Variants in C2CD3 observed in about 807,000 individuals in gnomAD.
C2CD3 encodes the protein C2 domain containing 3 centriole elongation regulator.
In C2CD3, 148 loss-of-function variants were observed where a neutral mutation model predicts 234.0. That is an observed-to-expected ratio of 0.63 (90% confidence interval 0.55 to 0.72). The LOEUF is 0.72. C2CD3 is among the 30% of genes least tolerant of loss of function. The probability of loss-of-function intolerance (pLI) is 0.00; values close to 1 mark genes in which losing one functional copy is unlikely to be tolerated. For missense variants in C2CD3, 2,577 were observed against 2,811.5 expected, an observed-to-expected ratio of 0.92 and a Z score of 1.89; for synonymous variants, 1,000 against 1,035.4, an observed-to-expected ratio of 0.97 and a Z score of 0.66.
chr11:74,097,322 T>C (rs969330548), intron 16 of C2CD3, among the ~76,000 whole-genome samples: 1 of 152,206 alleles, frequency 6.6e-6, no homozygotes, highest in African/African-American at 2.4e-5. Flanking sequence ...ATGGTATGGA[T>C]ACTGAGATTT....
chr11:74,081,482 T>C (rs558895399), intron 22 of C2CD3, among the ~76,000 whole-genome samples: 1 of 152,342 alleles, frequency 6.6e-6, no homozygotes, highest in African/African-American at 2.4e-5. Context: ...AGTTTTCTCA[T>C]GTGTCAAATG....
intron 24 of C2CD3, among the ~76,000 whole-genome samples, chr11:74,071,814 A>AGC (rs1481756664): frequency 6.6e-6 from 1 of 152,210 alleles, no homozygotes; most frequent in Non-Finnish European, 1.5e-5. Context: ...TAATGTACAA[A>AGC]GACTAGAATA....
At position 74,040,378 on chromosome 11, in the gene C2CD3, AATTTT is replaced by A. The variant is rs1952975627; in HGVS notation, c.5660+1671_5660+1675del. On this transcript the variant is annotated intron_variant, in intron 29 of 32. Transcript: ENST00000334126. ...CTGCTGGTCTATAGCACTATTGATC[AATTTT>A]TAACTTGTCTCATTAACCAAAAAGA... 2.0e-5 allele frequency among the ~76,000 whole-genome samples: 3 copies of A among 152,260 alleles called. No homozygotes were observed. The East Asian group carries it at 5.8e-4, about 29-fold the overall frequency.
chr11:74,132,421 C>A lies in C2CD3; in HGVS notation c.1217+423G>T, dbSNP rs575457678. ...AAGCATTGTGTTACTCCTCTATATACATCATTTTTAATCCTTACAACAATT... is the reference window on the plus strand; with the variant it reads ...AAGCATTGTGTTACTCCTCTATATAAATCATTTTTAATCCTTACAACAATT... On this transcript the variant is annotated intron_variant, in intron 7 of 32. Coordinates refer to ENST00000334126, the MANE Select transcript of C2CD3 (RefSeq NM_001286577.2). 3.9e-5 allele frequency among the ~76,000 whole-genome samples: 6 copies of A among 152,296 alleles called. No homozygotes were observed. In the East Asian group the frequency reaches 9.6e-4, roughly 24 times the overall value.
intron 16 of C2CD3, 23 bp from the exon 17 acceptor site, chr11:74,095,431 T>G (rs1446668466): frequency 6.4e-7 from 1 of 1,566,050 alleles, no homozygotes; most frequent in Non-Finnish European, 8.6e-7. Context: ...ACAGAAACAC[T>G]GGTGAGCTTT....
chr11:74,122,201 G>A (rs906279342), intron 8 of C2CD3, among the ~76,000 whole-genome samples: 16 of 152,052 alleles, frequency 1.1e-4, no homozygotes, highest in Admixed American at 3.3e-4. Flanking sequence ...TTCTTTCTAC[G>A]CCCATTTTGT....
intron 24 of C2CD3, among the ~76,000 whole-genome samples, chr11:74,071,845 G>A (rs190205538): frequency 6.6e-6 from 1 of 152,254 alleles, no homozygotes; most frequent in Admixed American, 6.5e-5. Context: ...CACAGCAGAT[G>A]ATGCTCAATA....
chr11:74,037,713 G>T lies in C2CD3; in HGVS notation c.5661-15C>A, dbSNP rs766055681. 1 of 1,591,064 alleles carries T rather than the reference G, an allele frequency of 6.3e-7. No individual in the cohort carries two copies. Among genetic ancestry groups the T allele is most frequent in the Non-Finnish European group, 8.6e-7 (1 of 1,161,904 alleles). Reference sequence around the variant, plus strand: ...TCAGATTCTTCCTATAAACAAAAGGGGGAGAAGAAGACAAAGGGGTAATTC... The same window carrying T: ...TCAGATTCTTCCTATAAACAAAAGGTGGAGAAGAAGACAAAGGGGTAATTC... On this transcript the variant is annotated splice_polypyrimidine_tract_variant and intron_variant, in intron 29 of 32. Coordinates refer to ENST00000334126, the MANE Select transcript of C2CD3 (RefSeq NM_001286577.2).
chr11:74,137,305 TTA>T (rs777592955), intron 5 of C2CD3, among the ~76,000 whole-genome samples: 2 of 151,494 alleles, frequency 1.3e-5, no homozygotes. Context: ...CAGCAGGAGT[TTA>T]TATATATATA....
intron 20 of C2CD3, among the ~76,000 whole-genome samples, chr11:74,089,817 G>A (rs1413910285): frequency 6.6e-6 from 1 of 152,114 alleles, no homozygotes; most frequent in Non-Finnish European, 1.5e-5. Flanking sequence ...TACAACCAAG[G>A]TGTTAACAAA....
intron 28 of C2CD3, among the ~76,000 whole-genome samples, chr11:74,042,787 A>C (rs73555995): frequency 0.018 from 2,738 of 151,948 alleles, 79 homozygotes; most frequent in African/African-American, 0.063. Flanking sequence ...CAAAAACCAT[A>C]AATCTGAAGT....
rs1953109046 is a variant in C2CD3, at chr11:74,042,362, C to G, written c.5496-144G>C. The stretch of plus-strand genomic sequence containing the variant: ...TATCACAGTTCTGGCCTTATCATCT[C>G]TTGCTTGGATTATAAATGTCTCCAA... On this transcript the variant is annotated intron_variant, in intron 28 of 32. Coordinates refer to ENST00000334126, the MANE Select transcript of C2CD3 (RefSeq NM_001286577.2). The G allele has an allele frequency of 3.7e-6, 3 of 821,034 alleles. No individual in the cohort carries two copies. In the African/African-American group the frequency reaches 5.3e-5, roughly 14 times the overall value. The allele number at this position is 821,034 out of a possible 1,614,324, so 50.9% of individuals were successfully genotyped here. A position where few individuals can be genotyped will look rare whatever the true frequency, so the allele number is the denominator to read the frequency against.
rs114743026 is a variant in C2CD3, at chr11:74,027,074, A to T, written c.6921+1213T>A. Reference sequence around the variant, plus strand: ...TTTATATATACACAGAAATAATCATAGCTTGTAGGTCAGTATGTGAAGCTC... The same window carrying T: ...TTTATATATACACAGAAATAATCATTGCTTGTAGGTCAGTATGTGAAGCTC... On this transcript the variant is annotated intron_variant, in intron 32 of 32. Coordinates refer to ENST00000334126, the MANE Select transcript of C2CD3 (RefSeq NM_001286577.2). 3.8e-3 allele frequency among the ~76,000 whole-genome samples: 577 copies of T among 151,992 alleles called. 3 individuals are homozygous for T. The highest frequency in any genetic ancestry group is 0.027 in the Middle Eastern group (8 of 294).
chr11:74,042,928 C>T (rs1329317726), intron 28 of C2CD3, among the ~76,000 whole-genome samples: 1 of 152,182 alleles, frequency 6.6e-6, no homozygotes, highest in East Asian at 1.9e-4. Flanking sequence ...GGCTTTTAAA[C>T]AAATCTCAAA....
chr11:74,157,012 ACTC>A (rs1382017881), intron 3 of C2CD3, among the ~76,000 whole-genome samples: 1 of 151,660 alleles, frequency 6.6e-6, no homozygotes, highest in Non-Finnish European at 1.5e-5. Flanking sequence ...AGAACATTGT[ACTC>A]CTCCCGATTT....
chr11:74,048,306 G>T lies in C2CD3; in HGVS notation c.5394C>A (p.Ala1798=), dbSNP rs1028658414. 6 of 1,613,700 alleles carry T rather than the reference G, an allele frequency of 3.7e-6. No homozygotes were observed. Among genetic ancestry groups the T allele is most frequent in the Non-Finnish European group, 4.2e-6 (5 of 1,179,758 alleles). ...IPIYSPFSFP[A]SDTYAAFSSH... ...TGGAGAATGCAGCATACGTATCAGAGGCAGGGAAGGAAAAGGGACTGTATA... is the reference window on the plus strand; with the variant it reads ...TGGAGAATGCAGCATACGTATCAGATGCAGGGAAGGAAAAGGGACTGTATA... The change falls in exon 28 of 33, where the codon GCC becomes GCA. Residue 1798 remains alanine, a synonymous_variant. Transcript: ENST00000334126.
intron 28 of C2CD3, 107 bp downstream of exon 28, chr11:74,048,098 C>T: frequency 8.2e-7 from 1 of 1,214,088 alleles, no homozygotes. Context: ...AAAGCTCTTA[C>T]CCTGTCTTGT....
intron 30 of C2CD3, among the ~76,000 whole-genome samples, chr11:74,037,230 C>T (rs2135416543): frequency 6.6e-6 from 1 of 152,130 alleles, no homozygotes; most frequent in Middle Eastern, 3.4e-3. Context: ...GACTCTAAGT[C>T]TGTACCAGAA....
chr11:74,027,933 G>T (rs1373711626), intron 32 of C2CD3, among the ~76,000 whole-genome samples: 3 of 152,098 alleles, frequency 2.0e-5, no homozygotes, highest in Non-Finnish European at 4.4e-5. Context: ...TCTTACTGTT[G>T]TACTCCCGTA....
Sources: gnomAD v4.1 joint callset for allele counts (sites outside exome capture counted in the v4.1 genomes callset) on GRCh38, gnomAD v4.1.1 for gene constraint, MANE v1.5 for transcripts, NCBI Gene and HGNC (gene_info 2026-07-23, HGNC 2026-07-21) for gene names.